The following AATF variants were observed in gnomAD, a reference collection of about 807,000 sequenced individuals.
AATF encodes protein AATF.
Under a neutral mutation model 63.7 loss-of-function variants are expected in AATF, and 48 were observed. The ratio of observed to expected loss-of-function variants is 0.75; its 90% CI spans 0.60 to 0.96. AATF has a LOEUF of 0.96. Among genes scored for constraint, AATF ranks in the 40% least tolerant of loss-of-function variants. The probability of loss-of-function intolerance (pLI) is 0.00; values close to 1 mark genes in which losing one functional copy is unlikely to be tolerated. For missense variants in AATF, 639 were observed against 685.7 expected (o/e 0.93, Z 0.76); for synonymous variants, 258 against 247.7 (o/e 1.04, Z -0.39).
At chr17:37,031,307 T>C (rs952481457) in intron 10 of AATF, 2 of 366,510 alleles carry the variant, frequency 5.5e-6, no homozygotes, top group African/African-American at 4.0e-5. Context: ...TAGAGATGAA[T>C]TAAGTATATG....
Position 36,968,266 on chromosome 17 carries a change from C to T in AATF, c.832+14359C>T, listed in dbSNP as rs983885940. Among the ~76,000 whole-genome samples the T allele has an allele frequency of 4.6e-3, 347 of 75,436 alleles. 52 individuals are homozygous for T. The highest frequency in any genetic ancestry group is 0.016 in the African/African-American group (298 of 18,448). The allele number at this position is 75,436 out of a possible 152,430, so 49.5% of individuals were successfully genotyped here. A position where few individuals can be genotyped will look rare whatever the true frequency, so the allele number is the denominator to read the frequency against. ...CTTTTTTCTTTTTCTTTCTTTCCTT[C>T]TTTCTTTTTTTTTTTTTTTTTTTTT... On this transcript the variant is annotated intron_variant, in intron 4 of 11. Coordinates refer to ENST00000619387, the MANE Select transcript of AATF (RefSeq NM_012138.4).
chr17:37,052,962 T>C (rs1248575931), intron 11 of AATF, among the ~76,000 whole-genome samples: 1 of 152,150 alleles, frequency 6.6e-6, no homozygotes, highest in South Asian at 2.1e-4. Context: ...GGACTAATGT[T>C]TGGGGACGAG....
chr17:37,046,316 G>A (rs1567996889), intron 11 of AATF, among the ~76,000 whole-genome samples: 1 of 152,100 alleles, frequency 6.6e-6, no homozygotes, highest in South Asian at 2.1e-4. Flanking sequence ...TAGAGTGTGT[G>A]TAGGATCACC....
At chr17:37,015,499 C>A (rs1016482630) in intron 8 of AATF, among the ~76,000 whole-genome samples, 16 of 152,078 alleles carry the variant, frequency 1.1e-4, no homozygotes, top group Admixed American at 1.0e-3. Context: ...GGTGGAAAGG[C>A]AAAAGGGACA....
At chr17:37,012,081 A>G (rs2071395818) in intron 8 of AATF, among the ~76,000 whole-genome samples, 1 of 150,098 alleles carries the variant, frequency 6.7e-6, no homozygotes, top group South Asian at 2.1e-4. Flanking sequence ...TTTTAAGTTG[A>G]GGTCTCTGTT....
intron 11 of AATF, among the ~76,000 whole-genome samples, chr17:37,038,381 C>G (rs2071609902): frequency 6.6e-6 from 1 of 152,140 alleles, no homozygotes; most frequent in Non-Finnish European, 1.5e-5. Context: ...AGATGTGTTC[C>G]TCAAAACTGG....
At chr17:37,054,282 C>T (rs911189962) in intron 11 of AATF, among the ~76,000 whole-genome samples, 1 of 152,122 alleles carries the variant, frequency 6.6e-6, no homozygotes, top group Non-Finnish European at 1.5e-5. Context: ...AAGAGTCAGC[C>T]AGGAGGTTGT....
rs1386369928 is a variant in AATF at position 36,990,758 on chromosome 17, CT to C, written c.1315-15del. 14 of 1,540,016 alleles carry C rather than the reference CT, an allele frequency of 9.1e-6. No homozygotes were observed. Among genetic ancestry groups the C allele is most frequent in the Non-Finnish European group, 1.2e-5 (14 of 1,129,990 alleles). On this transcript the variant is annotated splice_polypyrimidine_tract_variant and intron_variant, in intron 7 of 11. Transcript: ENST00000619387. ...CTTGTTGGGATTCACTCTTTTCTTA[CT>C]CATTGTTAACATAGGAGATCCTTCC...
At chr17:37,003,471 CTTTTTTTTTTTTT>C (rs1163393533) in intron 8 of AATF, among the ~76,000 whole-genome samples, 2 of 96,636 alleles carry the variant, frequency 2.1e-5, no homozygotes, top group African/African-American at 9.6e-5. Flanking sequence ...TTGACAAGAA[CTTTTTTTTTTTTT>C]TTTTTTTTTT....
intron 4 of AATF, 122 bp from the exon 5 acceptor site, chr17:36,986,495 A>T: frequency 1.4e-6 from 1 of 724,366 alleles, no homozygotes; most frequent in Non-Finnish European, 2.5e-6. Flanking sequence ...TCCTGTGTGT[A>T]TCCTGTGCCT....
intron 9 of AATF, 87 bp downstream of exon 9, chr17:37,019,159 A>G (rs1179210039): frequency 3.7e-6 from 4 of 1,071,190 alleles, no homozygotes; most frequent in Non-Finnish European, 5.8e-6. Flanking sequence ...CTGCAAAGCA[A>G]TGATTGGTCC....
chr17:36,954,039 C>A, intron 4 of AATF, 132 bp downstream of exon 4: 1 of 902,814 alleles, frequency 1.1e-6, no homozygotes, highest in Non-Finnish European at 1.6e-6. Flanking sequence ...CTCTCCCCTC[C>A]CCATCCCCCT....
intron 4 of AATF, among the ~76,000 whole-genome samples, chr17:36,960,203 G>A (rs963106846): frequency 5.3e-5 from 8 of 152,098 alleles, no homozygotes; most frequent in African/African-American, 1.2e-4. Context: ...TAGTAGAGAC[G>A]AGGTTTCACC....
Position 36,950,302 on chromosome 17 carries a change from A to G in AATF, c.180A>G (p.Ala60=), listed in dbSNP as rs1180712486. Residue 60 remains alanine (A), a synonymous_variant, in exon 2 of 12, where the codon GCA becomes GCG. Transcript: ENST00000619387. The part of the protein sequence containing the change: ...FLVVGSIRKL[A]SASLLDTDKR... ...TAGTGGGTAGCATTAGAAAACTGGCATCAGCCTCCCTCTTGGACACGGACA... is the reference window on the plus strand; with the variant it reads ...TAGTGGGTAGCATTAGAAAACTGGCGTCAGCCTCCCTCTTGGACACGGACA... 1 of 1,614,060 alleles carries G rather than the reference A, an allele frequency of 6.2e-7. No homozygotes were observed. The highest frequency in any genetic ancestry group is 8.5e-7 in the Non-Finnish European group (1 of 1,180,038).
rs1396162746 is a variant in AATF, at chr17:37,056,866, C to G, written c.*202C>G. ...ACGCCACAAATAAAGAGCATTGTTA[C>G]CGCCACCACCGCTTGTGATTTCTTA... On this transcript the variant is annotated 3_prime_UTR_variant, in exon 12 of 12. Transcript: ENST00000619387. The G allele has an allele frequency of 3.4e-6, 2 of 586,528 alleles. No individual in the cohort carries two copies. The highest frequency in any genetic ancestry group is 6.0e-6 in the Non-Finnish European group (2 of 330,988). The allele number at this position is 586,528 out of a possible 1,614,324, so 36.3% of individuals were successfully genotyped here.
At position 37,031,632 on chromosome 17, in the gene AATF, G is replaced by T. The variant is rs568489226; in HGVS notation, c.1566G>T (p.Lys522Asn). 4.4e-5 allele frequency: 71 copies of T among 1,614,158 alleles called. No individual in the cohort carries two copies. Among genetic ancestry groups the T allele is most frequent in the Middle Eastern group, 1.7e-4 (1 of 6,060 alleles). Reference sequence around the variant, plus strand: ...TATTTAGGTTTCATGTCCTTAGCAAGCTACTGAGTTTCATGGCACCTATTG... The same window carrying T: ...TATTTAGGTTTCATGTCCTTAGCAATCTACTGAGTTTCATGGCACCTATTG... ...GRKLRFHVLS[K>N]LLSFMAPIDH... The change falls in exon 11 of 12, where the codon AAG becomes AAT. Residue 522 changes from lysine to asparagine, a missense_variant. Transcript: ENST00000619387.
chr17:37,046,729 C>A (rs1288579786), intron 11 of AATF, among the ~76,000 whole-genome samples: 6 of 102,404 alleles, frequency 5.9e-5, no homozygotes, highest in African/African-American at 2.6e-4. Context: ...TGTGCTCCCC[C>A]AACACACACA....
chr17:36,991,168 A>C (rs1040160947), intron 8 of AATF, among the ~76,000 whole-genome samples: 1 of 151,992 alleles, frequency 6.6e-6, no homozygotes, highest in Non-Finnish European at 1.5e-5. Context: ...TTGATGATGG[A>C]GGATTTGTTA....
intron 4 of AATF, among the ~76,000 whole-genome samples, chr17:36,963,732 T>C (rs1348293197): frequency 1.3e-5 from 2 of 152,276 alleles, no homozygotes; most frequent in Non-Finnish European, 2.9e-5. Flanking sequence ...TCTTGATTTA[T>C]TTATTCTCTG....
Sources: allele counts gnomAD v4.1 joint callset (sites outside exome capture counted in the v4.1 genomes callset), GRCh38; gene constraint gnomAD v4.1.1; transcripts MANE v1.5; gene names NCBI Gene and HGNC (gene_info 2026-07-23, HGNC 2026-07-21).